The following HIVEP3 variants were observed in gnomAD, a reference collection of about 807,000 sequenced individuals.
HIVEP3 encodes HIVEP zinc finger 3.
HIVEP3 carries 49 observed loss-of-function variants against 152.8 expected under a neutral mutation model. The ratio of observed to expected loss-of-function variants is 0.32; its 90% CI spans 0.26 to 0.41. HIVEP3 has a LOEUF of 0.41. Ranked by LOEUF, HIVEP3 falls within the 10% of genes least tolerant of loss-of-function variation. The pLI, the probability that HIVEP3 is intolerant of heterozygous loss-of-function variation, is 1.00. For missense variants in HIVEP3, 2,790 were observed against 3,103.3 expected (o/e 0.90, Z 2.40); for synonymous variants, 1,269 against 1,289.0 (o/e 0.98, Z 0.33).
rs36061137 is a variant in HIVEP3, at chr1:41,697,337, A to G, written c.-721+3579T>C. On this transcript the variant is annotated intron_variant, in intron 2 of 8. Transcript: ENST00000372583. ...GCCTTTGAAAAAAGAACAGAACAAA[A>G]CAACAACAAAAACACCCTGCTCCTT... Among the ~76,000 whole-genome samples, 614 of 152,316 alleles carry G rather than the reference A, an allele frequency of 4.0e-3. 1 individual carries two copies. Among genetic ancestry groups the G allele is most frequent in the Non-Finnish European group, 7.1e-3 (485 of 68,022 alleles).
chr1:41,621,794 A>G (rs1645051040), intron 3 of HIVEP3, among the ~76,000 whole-genome samples: 1 of 152,202 alleles, frequency 6.6e-6, no homozygotes, highest in Non-Finnish European at 1.5e-5. Flanking sequence ...CTGGGATTAC[A>G]GGCCTAAGCC....
chr1:41,581,056 G>C lies in HIVEP3; in HGVS notation c.3742C>G (p.Leu1248Val). ...FFLPLQSQFA[L>V]QLPGDVESHL... is the part of the protein sequence containing the mutation. ...CTTTCCACATCACCAGGGAGCTGAAGTGCAAACTGGGATTGCAGAGGCAGG... is the reference window on the plus strand; with the variant it reads ...CTTTCCACATCACCAGGGAGCTGAACTGCAAACTGGGATTGCAGAGGCAGG... Residue 1248 changes from leucine (L) to valine (V), a missense_variant, in exon 4 of 9, where the codon CTT (leucine) becomes GTT (valine). Transcript: ENST00000372583. The surrounding 1 kb of genome is among the most constrained non-coding windows in gnomAD (Gnocchi z 4.5). 1 of 1,558,744 alleles carries C rather than the reference G, an allele frequency of 6.4e-7. No individual in the cohort carries two copies. The highest frequency in any genetic ancestry group is 8.7e-7 in the Non-Finnish European group (1 of 1,151,338).
At chr1:41,926,144 T>C (rs1441002331) in intron 1 of HIVEP3, among the ~76,000 whole-genome samples, 3 of 152,154 alleles carry the variant, frequency 2.0e-5, no homozygotes, top group Non-Finnish European at 4.4e-5. Flanking sequence ...AAATAATTGT[T>C]TAGCTTATTG....
At chr1:41,599,702 T>C (rs1361081363) in intron 3 of HIVEP3, among the ~76,000 whole-genome samples, 1 of 152,174 alleles carries the variant, frequency 6.6e-6, no homozygotes, top group East Asian at 1.9e-4. Context: ...ACCAAAAGCA[T>C]ACACAACAAA....
At chr1:41,802,642 C>T (rs1238197451) in intron 1 of HIVEP3, among the ~76,000 whole-genome samples, 5 of 152,094 alleles carry the variant, frequency 3.3e-5, no homozygotes, top group Non-Finnish European at 5.9e-5. Flanking sequence ...GCAAATGATT[C>T]TAGTCGACTT....
intron 3 of HIVEP3, among the ~76,000 whole-genome samples, chr1:41,585,534 T>C (rs1236019389): frequency 1.3e-5 from 2 of 152,036 alleles, no homozygotes; most frequent in African/African-American, 4.8e-5. Flanking sequence ...CATGTCAGTG[T>C]TGGGTGACCT....
chr1:41,744,132 A>T (rs1647035888), intron 1 of HIVEP3, among the ~76,000 whole-genome samples: 1 of 151,974 alleles, frequency 6.6e-6, no homozygotes, highest in Admixed American at 6.6e-5. Context: ...CTCCGCCTCC[A>T]GGTTCAAGCG....
chr1:41,837,279 C>T (rs1373745900), intron 1 of HIVEP3, among the ~76,000 whole-genome samples: 6 of 152,174 alleles, frequency 3.9e-5, no homozygotes. Flanking sequence ...CCAGCAAAGG[C>T]AGCCCCTCAG....
At chr1:41,830,723 TCAA>T (rs1642935039) in intron 1 of HIVEP3, among the ~76,000 whole-genome samples, 1 of 152,192 alleles carries the variant, frequency 6.6e-6, no homozygotes, top group South Asian at 2.1e-4. Context: ...GCATCACAGT[TCAA>T]CTTTTCCCTC....
chr1:41,641,606 A>C (rs566421120), intron 2 of HIVEP3, among the ~76,000 whole-genome samples: 38 of 152,306 alleles, frequency 2.5e-4, no homozygotes, highest in African/African-American at 9.1e-4. Context: ...TTCCATAGAA[A>C]GTTTCCATTG....
rs765704017 is a variant in HIVEP3 at position 41,579,794 on chromosome 1, C to A, written c.5004G>T (p.Pro1668=). The A allele has an allele frequency of 1.9e-6, 3 of 1,607,390 alleles. No individual in the cohort carries two copies. Among genetic ancestry groups the A allele is most frequent in the Non-Finnish European group, 1.7e-6 (2 of 1,174,904 alleles). Reference sequence around the variant, plus strand: ...GCACAAGCCTTCCTGCCTCAGGATGCGGAGCTGTGGCCATGGTGTATGTCT... The same window carrying A: ...GCACAAGCCTTCCTGCCTCAGGATGAGGAGCTGTGGCCATGGTGTATGTCT... ...SKETYTMATA[P]HPEAGRLVPS... is the part of the protein sequence containing the mutation. Residue 1668 remains proline (P), a synonymous_variant, in exon 4 of 9, where the codon CCG becomes CCT. Coordinates refer to ENST00000372583, the MANE Select transcript of HIVEP3 (RefSeq NM_024503.5).
chr1:41,969,580 T>C (rs1374639985), intron 1 of HIVEP3, among the ~76,000 whole-genome samples: 1 of 152,126 alleles, frequency 6.6e-6, no homozygotes, highest in Non-Finnish European at 1.5e-5. Context: ...AACGCTTACA[T>C]GTAAAACTCA....
intron 2 of HIVEP3, among the ~76,000 whole-genome samples, chr1:41,649,778 T>A (rs1645518431): frequency 6.6e-6 from 1 of 152,156 alleles, no homozygotes; most frequent in Non-Finnish European, 1.5e-5. Context: ...CTCTTCAGCA[T>A]CTTCATGAAG....
rs1362150167 is a variant in HIVEP3, at chr1:41,991,353, G to C, written n.119+44454C>G. Among the ~76,000 whole-genome samples, 680 of 151,144 alleles carry C rather than the reference G, an allele frequency of 4.5e-3. 2 individuals are homozygous for C. Among genetic ancestry groups the C allele is most frequent in the Non-Finnish European group, 7.5e-3 (503 of 67,402 alleles). ...CCCACAGAAATACAAACTACCATCAGAGAATACTACAAACACCTCTACGCA... is the reference window on the plus strand; with the variant it reads ...CCCACAGAAATACAAACTACCATCACAGAATACTACAAACACCTCTACGCA... On this transcript the variant is annotated intron_variant and non_coding_transcript_variant, in intron 1 of 3. Transcript: ENST00000489103.
Position 41,664,569 on chromosome 1 carries a change from C to A in HIVEP3, c.-720-35622G>T, listed in dbSNP as rs1422823702. Among the ~76,000 whole-genome samples the A allele has an allele frequency of 6.6e-6, 1 of 152,190 alleles. No homozygotes were observed. The highest frequency in any genetic ancestry group is 1.5e-5 in the Non-Finnish European group (1 of 68,040). On this transcript the variant is annotated intron_variant, in intron 2 of 8. Transcript: ENST00000372583. The surrounding 1 kb of genome is among the most constrained non-coding windows in gnomAD (Gnocchi z 4.4). ...AGACTGGGAGCTTCAGGGAACTTTC[C>A]ATCTTGATCCCTCTCCCCTCCCAGG... is the stretch of plus-strand genomic sequence containing the variant.
At chr1:41,695,240 T>C (rs1041245166) in intron 2 of HIVEP3, among the ~76,000 whole-genome samples, 2 of 152,158 alleles carry the variant, frequency 1.3e-5, no homozygotes, top group Admixed American at 6.5e-5. Flanking sequence ...CTCCAGTACC[T>C]ATCTGGAGAT....
At chr1:41,919,722 A>T (rs998188882), upstream of HIVEP3, among the ~76,000 whole-genome samples, 3 of 152,152 alleles carry the variant, frequency 2.0e-5, no homozygotes, top group African/African-American at 7.2e-5. Context: ...CTCCAGCCTA[A>T]ATTTTTTTGA....
At chr1:41,774,242 G>T (rs1480658460) in intron 1 of HIVEP3, among the ~76,000 whole-genome samples, 1 of 152,220 alleles carries the variant, frequency 6.6e-6, no homozygotes, top group Non-Finnish European at 1.5e-5. Context: ...GGCATACGGG[G>T]CCTTCAGAGC....
chr1:41,640,937 T>G (rs531776834), intron 2 of HIVEP3, among the ~76,000 whole-genome samples: 1 of 152,330 alleles, frequency 6.6e-6, no homozygotes, highest in South Asian at 2.1e-4. Flanking sequence ...TGTGGCCTTC[T>G]TCGAGTCCTT....
Sources: gnomAD v4.1 joint callset for allele counts (sites outside exome capture counted in the v4.1 genomes callset) on GRCh38, gnomAD v4.1.1 for gene constraint, Gnocchi (gnomAD v3.1) non-coding constraint, MANE v1.5 for transcripts, NCBI Gene and HGNC (gene_info 2026-07-23, HGNC 2026-07-21) for gene names.